The following CAMTA1 variants were observed in gnomAD, a reference collection of about 807,000 sequenced individuals.
The protein encoded by CAMTA1 is calmodulin binding transcription activator 1.
Under a neutral mutation model 170.9 loss-of-function variants are expected in CAMTA1, and 27 were observed. That is an observed-to-expected ratio of 0.16 (90% CI 0.12 to 0.22). CAMTA1 has a LOEUF of 0.22. CAMTA1 is among the 10% of genes least tolerant of loss of function. The pLI, the probability that CAMTA1 is intolerant of heterozygous loss-of-function variation, is 1.00. For missense variants in CAMTA1, 1,619 were observed against 2,217.2 expected (o/e 0.73, Z 5.42); for synonymous variants, 833 against 891.5 (o/e 0.93, Z 1.17).
chr1:7,744,985 G>T lies in CAMTA1; in HGVS notation c.4333G>T (p.Ala1445Ser), dbSNP rs1375385559. The T allele has an allele frequency of 1.2e-6, 2 of 1,613,948 alleles. No homozygotes were observed. The highest frequency in any genetic ancestry group is 2.7e-5 in the African/African-American group (2 of 74,926). The change falls in exon 17 of 23, where the codon GCG (alanine) becomes TCG (serine). Residue 1445 changes from alanine to serine, a missense_variant. By Grantham distance (99) the Ala-to-Ser change is moderately conservative. Transcript: ENST00000303635. ...STMSWLASYL[A>S]DADCLPSAAQ... is the part of the protein sequence containing the mutation. ...AATGAGCTGGCTGGCCAGTTATCTA[G>T]CGGATGCTGACTGCCTTCCCAGTGC...
intron 6 of CAMTA1, among the ~76,000 whole-genome samples, chr1:7,550,705 C>T (rs1020890051): frequency 6.7e-6 from 1 of 149,586 alleles, no homozygotes; most frequent in African/African-American, 2.5e-5. Context: ...ACAGTCCTCT[C>T]CTACCTGGCC....
At chr1:6,897,039 T>G (rs189537691) in intron 3 of CAMTA1, among the ~76,000 whole-genome samples, 2 of 152,290 alleles carry the variant, frequency 1.3e-5, no homozygotes, top group Admixed American at 1.3e-4. Flanking sequence ...TCAGTTGCTT[T>G]TGAGTGAGCA....
rs2095108139 is a variant in CAMTA1 at position 7,570,142 on chromosome 1, CT to C, written c.511-70256del. On this transcript the variant is annotated intron_variant, in intron 6 of 22. Transcript: ENST00000303635. The surrounding 1 kb of genome is among the most constrained non-coding windows in gnomAD (Gnocchi z 4.3). ...ACCTTGGGTGGGAGATCAGGGATCCCTTGCTGGGCACTGGGGGGATCCAAAA... is the reference window on the plus strand; with the variant it reads ...ACCTTGGGTGGGAGATCAGGGATCCCTGCTGGGCACTGGGGGGATCCAAAA... 6.6e-6 allele frequency among the ~76,000 whole-genome samples: 1 copy of C among 150,410 alleles called. No individual in the cohort carries two copies. The highest frequency in any genetic ancestry group is 2.1e-4 in the South Asian group (1 of 4,784).
intron 4 of CAMTA1, among the ~76,000 whole-genome samples, chr1:7,178,057 C>T (rs1212418324): frequency 6.6e-6 from 1 of 152,114 alleles, no homozygotes; most frequent in East Asian, 1.9e-4. Context: ...AAGTCCCGCT[C>T]ACATGCCAAA....
intron 11 of CAMTA1, among the ~76,000 whole-genome samples, chr1:7,687,497 G>C (rs1052668111): frequency 1.3e-5 from 2 of 152,110 alleles, no homozygotes; most frequent in African/African-American, 4.8e-5. Context: ...TCTGAGCTCA[G>C]AGTCACAGCC....
At chr1:7,336,160 C>T (rs978959843) in intron 5 of CAMTA1, among the ~76,000 whole-genome samples, 5 of 152,168 alleles carry the variant, frequency 3.3e-5, no homozygotes, top group Non-Finnish European at 7.3e-5. Flanking sequence ...TGCATGGGGA[C>T]AGTGTTGTTC....
At chr1:6,805,276 A>G (rs992628471) in intron 1 of CAMTA1, among the ~76,000 whole-genome samples, 5 of 152,194 alleles carry the variant, frequency 3.3e-5, no homozygotes, top group African/African-American at 1.2e-4. Context: ...CCTAGTGACT[A>G]ATGATGTTGA....
chr1:7,240,442 G>A (rs1558294619), intron 4 of CAMTA1, among the ~76,000 whole-genome samples: 1 of 151,338 alleles, frequency 6.6e-6, no homozygotes, highest in Non-Finnish European at 1.5e-5. Context: ...CATATTTAAT[G>A]TATTTCAGTC....
At chr1:7,646,711 G>C (rs2095808466) in intron 7 of CAMTA1, among the ~76,000 whole-genome samples, 1 of 150,734 alleles carries the variant, frequency 6.6e-6, no homozygotes, top group African/African-American at 2.4e-5. Context: ...TGGTGAGTTG[G>C]GTAGAGGCCA....
chr1:7,046,787 C>T (rs550279878), intron 3 of CAMTA1, among the ~76,000 whole-genome samples: 1 of 152,296 alleles, frequency 6.6e-6, no homozygotes, highest in East Asian at 1.9e-4. Flanking sequence ...TTTTTCTTAT[C>T]TGTAAAAATG....
intron 5 of CAMTA1, among the ~76,000 whole-genome samples, chr1:7,465,085 T>C (rs2093179084): frequency 6.6e-6 from 1 of 152,204 alleles, no homozygotes; most frequent in Non-Finnish European, 1.5e-5. Context: ...TTCTAGTGTG[T>C]ATTAGAAGTC....
At chr1:7,302,828 C>T (rs1460108482) in intron 5 of CAMTA1, among the ~76,000 whole-genome samples, 2 of 152,176 alleles carry the variant, frequency 1.3e-5, no homozygotes, top group Non-Finnish European at 2.9e-5. Context: ...TTCACTAGCA[C>T]CCACCATGTT....
At chr1:7,471,935 C>A (rs1264764527) in intron 6 of CAMTA1, among the ~76,000 whole-genome samples, 1 of 152,248 alleles carries the variant, frequency 6.6e-6, no homozygotes, top group Non-Finnish European at 1.5e-5. Context: ...GGCCAGACTT[C>A]CCTGCAGATT....
At chr1:6,966,887 C>G (rs1430929933) in intron 3 of CAMTA1, among the ~76,000 whole-genome samples, 1 of 149,310 alleles carries the variant, frequency 6.7e-6, no homozygotes, top group East Asian at 2.1e-4. Context: ...GTTGGGATTA[C>G]AGGCATGAGC....
intron 5 of CAMTA1, among the ~76,000 whole-genome samples, chr1:7,331,969 C>T (rs1464927416): frequency 3.9e-5 from 6 of 152,190 alleles, no homozygotes; most frequent in African/African-American, 9.7e-5. Context: ...CTCCCCAACC[C>T]GTTTGTGCAG....
At chr1:6,835,944 A>G (rs1430732393) in intron 3 of CAMTA1, among the ~76,000 whole-genome samples, 2 of 152,134 alleles carry the variant, frequency 1.3e-5, no homozygotes, top group Non-Finnish European at 1.5e-5. Context: ...GTTTTTTGAA[A>G]GGGTAGCATG....
chr1:7,278,390 C>G (rs775593094), intron 5 of CAMTA1, among the ~76,000 whole-genome samples: 1 of 152,218 alleles, frequency 6.6e-6, no homozygotes, highest in African/African-American at 2.4e-5. Context: ...ACTCTAGTGT[C>G]TTCTCAGAGT....
intron 4 of CAMTA1, among the ~76,000 whole-genome samples, chr1:7,100,240 C>G (rs563327355): frequency 6.6e-6 from 1 of 152,350 alleles, no homozygotes; most frequent in Admixed American, 6.5e-5. Flanking sequence ...TCCCGTCTCT[C>G]CGGAATGTGT....
intron 22 of CAMTA1, among the ~76,000 whole-genome samples, chr1:7,758,234 T>G (rs2096945866): frequency 6.6e-6 from 1 of 152,222 alleles, no homozygotes; most frequent in Non-Finnish European, 1.5e-5. Flanking sequence ...TTAATGACCG[T>G]TTTTAAGAGC....
Sources: allele counts gnomAD v4.1 joint callset (sites outside exome capture counted in the v4.1 genomes callset), GRCh38; gene constraint gnomAD v4.1.1; non-coding constraint Gnocchi (gnomAD v3.1); transcripts MANE v1.5; gene names NCBI Gene and HGNC (gene_info 2026-07-23, HGNC 2026-07-21).